Variants in DGKB observed in about 807,000 individuals in gnomAD.
The protein encoded by DGKB is 90 kDa diacylglycerol kinase.
A neutral mutation model predicts 114.3 loss-of-function variants in DGKB; 67 were observed. The ratio of observed to expected loss-of-function variants is 0.59; its 90% confidence interval spans 0.48 to 0.72. The LOEUF is 0.72. Among genes scored for constraint, DGKB ranks in the 30% least tolerant of loss-of-function variants. The pLI is 0.00. For missense variants in DGKB, 907 were observed against 975.2 expected, an observed-to-expected ratio of 0.93 and a Z score of 0.93; for synonymous variants, 398 against 323.1, an observed-to-expected ratio of 1.23 and a Z score of -2.49.
intron 7 of DGKB, among the ~76,000 whole-genome samples, chr7:14,701,100 T>C (rs1481904687): frequency 8.1e-6 from 1 of 124,200 alleles, no homozygotes; most frequent in Non-Finnish European, 1.8e-5. Context: ...CATATAAAGA[T>C]GGTATTTTCT....
chr7:14,870,098 A>T (rs1469139103), intron 1 of DGKB, among the ~76,000 whole-genome samples: 2 of 152,110 alleles, frequency 1.3e-5, no homozygotes, highest in Non-Finnish European at 2.9e-5. Flanking sequence ...ATTCACATGT[A>T]TGGATTCCAT....
In DGKB at chr7:14,254,669, C is replaced by G. The variant is rs146076062; in HGVS notation, c.2123-76518G>C. Among the ~76,000 whole-genome samples, 654 of 152,100 alleles carry G rather than the reference C, an allele frequency of 4.3e-3. 4 individuals are homozygous for G. The highest frequency in any genetic ancestry group is 0.015 in the African/African-American group (626 of 41,522). ...CATACATAGAGTACTTTATATATTTCAATTATTATTTCTAGCCACTTCTAG... is the reference window on the plus strand; with the variant it reads ...CATACATAGAGTACTTTATATATTTGAATTATTATTTCTAGCCACTTCTAG... On this transcript the variant is annotated intron_variant, in intron 23 of 25. Transcript: ENST00000402815.
chr7:14,201,596 G>C (rs980608385), intron 23 of DGKB, among the ~76,000 whole-genome samples: 1 of 151,904 alleles, frequency 6.6e-6, no homozygotes, highest in African/African-American at 2.4e-5. Flanking sequence ...ACAAGCTGAT[G>C]ATGATGTCAC....
At chr7:14,612,891 C>A in intron 16 of DGKB, among the ~76,000 whole-genome samples, 1 of 152,204 alleles carries the variant, frequency 6.6e-6, no homozygotes, top group East Asian at 1.9e-4. Context: ...ATATATTGTA[C>A]TTCTCCAGGA....
At chr7:14,872,765 T>G (rs1477760763) in intron 1 of DGKB, among the ~76,000 whole-genome samples, 1 of 151,274 alleles carries the variant, frequency 6.6e-6, no homozygotes, top group African/African-American at 2.4e-5. Flanking sequence ...ACCTGCTTCC[T>G]AAAATTCTAA....
intron 13 of DGKB, among the ~76,000 whole-genome samples, chr7:14,642,313 T>A (rs1811956442): frequency 6.6e-6 from 1 of 152,198 alleles, no homozygotes; most frequent in Non-Finnish European, 1.5e-5. Flanking sequence ...AATAAAACTT[T>A]ATGTATGGCA....
At chr7:14,159,635 A>G (rs1783558608) in intron 25 of DGKB, among the ~76,000 whole-genome samples, 2 of 152,284 alleles carry the variant, frequency 1.3e-5, no homozygotes, top group South Asian at 4.1e-4. Context: ...GATGGAATTC[A>G]ATAAATGTTT....
At chr7:14,812,591 T>C (rs1843590169) in intron 2 of DGKB, among the ~76,000 whole-genome samples, 1 of 152,154 alleles carries the variant, frequency 6.6e-6, no homozygotes, top group Non-Finnish European at 1.5e-5. Context: ...ATTCCAAAAA[T>C]TAAAAATGTC....
intron 21 of DGKB, among the ~76,000 whole-genome samples, chr7:14,473,562 G>C (rs1280125452): frequency 6.6e-6 from 1 of 152,128 alleles, no homozygotes. Flanking sequence ...TGTGAGAAGA[G>C]GGCCACCATC....
At chr7:14,559,659 C>G (rs1456804329) in intron 20 of DGKB, among the ~76,000 whole-genome samples, 2 of 152,096 alleles carry the variant, frequency 1.3e-5, no homozygotes, top group Non-Finnish European at 2.9e-5. Flanking sequence ...TAAATTATTT[C>G]AAAAACTTGA....
chr7:14,452,802 A>G lies in DGKB; in HGVS notation c.1835+25359T>C, dbSNP rs139654337. Among the ~76,000 whole-genome samples the G allele has an allele frequency of 1.9e-3, 287 of 152,244 alleles. 1 individual carries two copies. The highest frequency in any genetic ancestry group is 6.3e-3 in the African/African-American group (263 of 41,574). ...AATTTTGTTATTGTGCAAATATCAT[A>G]GAGTGTACTTACACAAACCTAGATA... On this transcript the variant is annotated intron_variant, in intron 21 of 25. Coordinates refer to ENST00000402815, the MANE Select transcript of DGKB (RefSeq NM_001350709.2).
intron 13 of DGKB, among the ~76,000 whole-genome samples, chr7:14,636,107 A>C (rs911528171): frequency 6.6e-6 from 1 of 151,742 alleles, no homozygotes; most frequent in African/African-American, 2.4e-5. Flanking sequence ...AGTATTTTCT[A>C]ACCAGGTTAA....
intron 25 of DGKB, among the ~76,000 whole-genome samples, chr7:14,154,522 C>CA (rs1782692641): frequency 6.6e-6 from 1 of 151,628 alleles, no homozygotes; most frequent in African/African-American, 2.4e-5. Flanking sequence ...CTAAATGAAT[C>CA]AATGTGCACG....
chr7:14,532,667 A>G (rs1318592301), intron 20 of DGKB, among the ~76,000 whole-genome samples: 20 of 151,594 alleles, frequency 1.3e-4, no homozygotes, highest in Non-Finnish European at 1.5e-5. Context: ...TGAAATGAAA[A>G]ATAGACAATT....
intron 23 of DGKB, among the ~76,000 whole-genome samples, chr7:14,226,948 G>C (rs926809462): frequency 6.6e-6 from 1 of 151,988 alleles, no homozygotes; most frequent in African/African-American, 2.4e-5. Flanking sequence ...GTGTTGCCCA[G>C]GCTGCACTCA....
chr7:14,229,681 G>A (rs1448606846), intron 23 of DGKB, among the ~76,000 whole-genome samples: 1 of 151,620 alleles, frequency 6.6e-6, no homozygotes, highest in Non-Finnish European at 1.5e-5. Flanking sequence ...TAATCTTTAG[G>A]GATATTGTTT....
chr7:14,574,117 G>T (rs1798772709), intron 20 of DGKB, 95 bp downstream of exon 20: 1 of 975,852 alleles, frequency 1.0e-6, no homozygotes, highest in Non-Finnish European at 1.5e-6. Flanking sequence ...GGTAAAATAA[G>T]TTATTTATAA....
chr7:14,449,290 T>C (rs1037619819), intron 21 of DGKB, among the ~76,000 whole-genome samples: 2 of 152,092 alleles, frequency 1.3e-5, no homozygotes, highest in Admixed American at 1.3e-4. Flanking sequence ...TGGTTTGTCA[T>C]GTTCTGTTTT....
intron 23 of DGKB, among the ~76,000 whole-genome samples, chr7:14,252,064 T>G (rs2128392791): frequency 6.6e-6 from 1 of 152,350 alleles, no homozygotes; most frequent in African/African-American, 2.4e-5. Flanking sequence ...TTTCTGTCAT[T>G]ATTTCTTTAA....
Sources: allele counts gnomAD v4.1 joint callset (sites outside exome capture counted in the v4.1 genomes callset), GRCh38; gene constraint gnomAD v4.1.1; transcripts MANE v1.5; gene names NCBI Gene and HGNC (gene_info 2026-07-23, HGNC 2026-07-21).